NUP160: variants seen among roughly 807,000 people sequenced by gnomAD.
NUP160 encodes the protein nucleoporin 160, also known as nuclear pore complex protein Nup160.
A neutral mutation model predicts 196.9 loss-of-function variants in NUP160; 94 were observed. The observed-to-expected ratio is 0.48, with a 90% CI of 0.40 to 0.57. The LOEUF is 0.57. NUP160 is among the 20% of genes least tolerant of loss of function. The probability of loss-of-function intolerance (pLI) is 0.00; values close to 1 mark genes in which losing one functional copy is unlikely to be tolerated. For missense variants in NUP160, 1,638 were observed against 1,748.3 expected (o/e 0.94, Z 1.13); for synonymous variants, 605 against 619.7 (o/e 0.98, Z 0.35).
chr11:47,814,772 A>G (rs1462716048), intron 13 of NUP160, among the ~76,000 whole-genome samples: 4 of 152,190 alleles, frequency 2.6e-5, no homozygotes, highest in African/African-American at 9.7e-5. Flanking sequence ...AGGATAAAGG[A>G]GCATGATATC....
intron 7 of NUP160, chr11:47,827,278 C>G (rs759082755): frequency 1.8e-5 from 7 of 388,444 alleles, no homozygotes; most frequent in Non-Finnish European, 3.6e-5. Flanking sequence ...GTGGGAGGAT[C>G]GCTTGAACCT....
chr11:47,843,377 A>G lies in NUP160; in HGVS notation c.315-2789T>C, dbSNP rs1016372231. Among the ~76,000 whole-genome samples, 3 of 152,178 alleles carry G rather than the reference A, an allele frequency of 2.0e-5. No homozygotes were observed. In the South Asian group the frequency reaches 6.2e-4, roughly 31 times the overall value. On this transcript the variant is annotated intron_variant, in intron 2 of 35. Coordinates refer to ENST00000378460, the Ensembl canonical transcript of NUP160. ...TGCCTGGCTTAAATGCAACACTGAC[A>G]GGTTTTCACTCTCCTCCTCCTTGAA... is the stretch of plus-strand genomic sequence containing the variant.
chr11:47,794,700 G>C (rs1443331137), intron 27 of NUP160, among the ~76,000 whole-genome samples: 1 of 151,824 alleles, frequency 6.6e-6, no homozygotes, highest in East Asian at 1.9e-4. Context: ...TTGAGGTCAG[G>C]AGTTCAAGAC....
chr11:47,804,371 T>G (rs891484162), intron 21 of NUP160, 178 bp downstream of exon 21: 1 of 525,990 alleles, frequency 1.9e-6, no homozygotes, highest in East Asian at 3.6e-5. Context: ...TCAGACAAAA[T>G]CAAGCAAGTT....
chr11:47,837,125 T>C (rs749521127), intron 5 of NUP160, 124 bp from the exon 6 acceptor site: 20 of 560,958 alleles, frequency 3.6e-5, no homozygotes, highest in Non-Finnish European at 5.7e-5. Flanking sequence ...CAAGAGCTTA[T>C]ATGCTGGTAT....
At chr11:47,828,317 G>A (rs1194140858) in intron 7 of NUP160, among the ~76,000 whole-genome samples, 1 of 151,802 alleles carries the variant, frequency 6.6e-6, no homozygotes, top group Middle Eastern at 3.2e-3. Context: ...AACTTCCAAT[G>A]AGCACTCTGA....
At chr11:47,818,466 C>T (rs1433904455) in intron 10 of NUP160, among the ~76,000 whole-genome samples, 1 of 152,146 alleles carries the variant, frequency 6.6e-6, no homozygotes, top group Non-Finnish European at 1.5e-5. Context: ...AAGCTGGTTT[C>T]TACACCATCT....
rs749206251 is a variant in NUP160, at chr11:47,792,995, CTTT to C, written c.3290-52_3290-50del. On this transcript the variant is annotated intron_variant, in intron 27 of 35. Coordinates refer to ENST00000378460, the Ensembl canonical transcript of NUP160. The stretch of plus-strand genomic sequence containing the variant: ...CTTTAGAACTTCCAAATTTTTTTTT[CTTT>C]TTTTTGGAGACAGAGTCTTGCTCTG... 4.6e-6 allele frequency: 7 copies of C among 1,531,894 alleles called. No individual in the cohort carries two copies. The African/African-American group carries it at 7.0e-5, about 15-fold the overall frequency. 94.9% of individuals were successfully genotyped at this position (1,531,894 alleles called of 1,614,324 possible).
chr11:47,825,394 C>T (rs1233811098), intron 7 of NUP160, among the ~76,000 whole-genome samples: 2 of 149,972 alleles, frequency 1.3e-5, no homozygotes, highest in East Asian at 3.9e-4. Context: ...GCAATTTTGC[C>T]TCAGCCTCCC....
intron 7 of NUP160, among the ~76,000 whole-genome samples, chr11:47,832,037 G>A (rs1852087813): frequency 6.6e-6 from 1 of 151,504 alleles, no homozygotes; most frequent in Admixed American, 6.6e-5. Flanking sequence ...GAGCAGCTGG[G>A]ACTACAGGCA....
Position 47,814,571 on chromosome 11 carries a change from G to GA in NUP160, c.1686+907dup, listed in dbSNP as rs571954805. Among the ~76,000 whole-genome samples, 15 of 150,784 alleles carry GA rather than the reference G, an allele frequency of 9.9e-5. No individual in the cohort carries two copies. In the South Asian group the frequency reaches 2.9e-3, roughly 30 times the overall value. ...AAAAAAAGATTGGATCCTGGATCAG[G>GA]AAAAAAAATTATGGGCACAATTGGC... On this transcript the variant is annotated intron_variant, in intron 13 of 35. Transcript: ENST00000378460.
intron 21 of NUP160, 145 bp from the exon 22 acceptor site, chr11:47,803,681 T>C (rs1253853374): frequency 5.0e-6 from 3 of 604,566 alleles, no homozygotes. Context: ...TATTAAAACC[T>C]ACCCCTGTTG....
intron 6 of NUP160, 99 bp from the exon 7 acceptor site, chr11:47,835,908 T>A: frequency 1.1e-6 from 1 of 924,088 alleles, no homozygotes; most frequent in Non-Finnish European, 1.6e-6. Context: ...TCTACTGCTC[T>A]ATCTAGTTTA....
intron 19 of NUP160, 39 bp downstream of exon 19, chr11:47,807,031 C>G: frequency 7.1e-7 from 1 of 1,413,578 alleles, no homozygotes; most frequent in African/African-American, 1.4e-5. Context: ...CAATAAATCC[C>G]CAGTTTAAAA....
At position 47,840,364 on chromosome 11, in the gene NUP160, C is replaced by T. The variant is rs376667979; in HGVS notation, c.525+14G>A. 3.7e-6 allele frequency: 6 copies of T among 1,605,382 alleles called. No individual in the cohort carries two copies. The highest frequency in any genetic ancestry group is 1.1e-5 in the South Asian group (1 of 90,896). On this transcript the variant is annotated intron_variant, in intron 3 of 35. Coordinates refer to ENST00000378460, the Ensembl canonical transcript of NUP160. ...AATTTGGGAAATAAAAGATATTGCACTTAGCCAACTTACACTCCTATACAT... is the reference window on the plus strand; with the variant it reads ...AATTTGGGAAATAAAAGATATTGCATTTAGCCAACTTACACTCCTATACAT...
exon 18 of NUP160, chr11:47,808,481 G>C (rs1229672852): frequency 6.2e-7 from 1 of 1,613,904 alleles, no homozygotes; most frequent in East Asian, 2.2e-5. Flanking sequence ...GCTGTTCGAT[G>C]TAGTAGGTCT....
chr11:47,817,026 A>C (rs1851741151), intron 11 of NUP160, among the ~76,000 whole-genome samples: 1 of 150,044 alleles, frequency 6.7e-6, no homozygotes, highest in African/African-American at 2.5e-5. Flanking sequence ...CCCAGGCTGG[A>C]ATGCAGTGGC....
At chr11:47,799,173 C>A (rs747023218) in intron 23 of NUP160, among the ~76,000 whole-genome samples, 1 of 149,878 alleles carries the variant, frequency 6.7e-6, no homozygotes, top group African/African-American at 2.5e-5. Flanking sequence ...GCAACCCCTA[C>A]CTCCTGGGTT....
intron 35 of NUP160, chr11:47,779,633 G>C (rs932397397): frequency 4.3e-5 from 22 of 506,270 alleles, no homozygotes; most frequent in African/African-American, 1.2e-4. Context: ...TGTTTTTTAT[G>C]TTAAGGCAAG....
Sources: gnomAD v4.1 joint callset for allele counts (sites outside exome capture counted in the v4.1 genomes callset) on GRCh38, gnomAD v4.1.1 for gene constraint, MANE v1.5 for transcripts, NCBI Gene and HGNC (gene_info 2026-07-23, HGNC 2026-07-21) for gene names.